The following RALGPS2 variants were observed in gnomAD, a reference collection of about 807,000 sequenced individuals.
The protein encoded by RALGPS2 is ras-specific guanine nucleotide-releasing factor RalGPS2.
In RALGPS2, 43 loss-of-function variants were observed where a neutral mutation model predicts 86.8. The ratio of observed to expected loss-of-function variants is 0.50; its 90% CI spans 0.39 to 0.64. The LOEUF (loss-of-function observed/expected upper bound fraction) is 0.64. Among genes scored for constraint, RALGPS2 ranks in the 30% least tolerant of loss-of-function variants. The pLI, the probability that RALGPS2 is intolerant of heterozygous loss-of-function variation, is 0.00. For synonymous variants in RALGPS2, 243 were observed against 231.3 expected, an observed-to-expected ratio of 1.05 and a Z score of -0.46; for missense variants, 536 against 694.6, an observed-to-expected ratio of 0.77 and a Z score of 2.57.
chr1:178,890,569 A>G (rs1486993059), intron 14 of RALGPS2, among the ~76,000 whole-genome samples: 1 of 151,992 alleles, frequency 6.6e-6, no homozygotes, highest in African/African-American at 2.4e-5. Context: ...ACTCCTTATC[A>G]GTCACAATTT....
At chr1:178,832,020 T>TA (rs1232676639) in intron 7 of RALGPS2, among the ~76,000 whole-genome samples, 1 of 152,158 alleles carries the variant, frequency 6.6e-6, no homozygotes, top group East Asian at 1.9e-4. Context: ...ATGATTGACT[T>TA]AGGGGAAAAT....
intron 1 of RALGPS2, among the ~76,000 whole-genome samples, chr1:178,761,707 C>A (rs999040034): frequency 3.3e-5 from 5 of 151,746 alleles, no homozygotes; most frequent in African/African-American, 1.2e-4. Flanking sequence ...ATTACAGGCA[C>A]GCACCATCAC....
chr1:178,778,871 T>C (rs1041654635), intron 2 of RALGPS2, among the ~76,000 whole-genome samples: 1 of 152,250 alleles, frequency 6.6e-6, no homozygotes, highest in African/African-American at 2.4e-5. Flanking sequence ...TTAACTTTTA[T>C]TTTAGTGATT....
chr1:178,751,449 C>G (rs896674206), intron 1 of RALGPS2, among the ~76,000 whole-genome samples: 2 of 152,122 alleles, frequency 1.3e-5, no homozygotes, highest in Admixed American at 1.3e-4. Context: ...AGGAAGTTTT[C>G]TTGGAAAGCT....
chr1:178,754,377 AT>A (rs1651846683), intron 1 of RALGPS2, among the ~76,000 whole-genome samples: 1 of 152,150 alleles, frequency 6.6e-6, no homozygotes, highest in African/African-American at 2.4e-5. Context: ...AACAGTTAAT[AT>A]GTAATTCCTG....
intron 17 of RALGPS2, among the ~76,000 whole-genome samples, chr1:178,898,103 A>G (rs1240870642): frequency 2.0e-5 from 3 of 152,052 alleles, no homozygotes; most frequent in South Asian, 2.1e-4. Flanking sequence ...TCTCTGGTTC[A>G]GTGATTCTTC....
chr1:178,867,390 G>A (rs1658483515), intron 8 of RALGPS2, among the ~76,000 whole-genome samples: 1 of 152,056 alleles, frequency 6.6e-6, no homozygotes, highest in Non-Finnish European at 1.5e-5. Context: ...CAGAGTTCAT[G>A]TTTTCAATCC....
chr1:178,822,669 A>G (rs1481942640), intron 7 of RALGPS2, among the ~76,000 whole-genome samples: 3 of 152,120 alleles, frequency 2.0e-5, no homozygotes, highest in Non-Finnish European at 4.4e-5. Context: ...TCTATTTTAT[A>G]GAAAAACCTT....
At chr1:178,766,720 G>A (rs1652526933) in intron 1 of RALGPS2, among the ~76,000 whole-genome samples, 1 of 152,136 alleles carries the variant, frequency 6.6e-6, no homozygotes. Context: ...ATGACTGTGT[G>A]TCTTGGGGTT....
intron 1 of RALGPS2, among the ~76,000 whole-genome samples, chr1:178,762,764 A>G (rs1210350097): frequency 1.3e-5 from 2 of 152,100 alleles, no homozygotes; most frequent in African/African-American, 2.4e-5. Flanking sequence ...TTTCAGTTGC[A>G]TAGTTTGAAA....
At chr1:178,795,773 A>G (rs1285444238) in intron 4 of RALGPS2, among the ~76,000 whole-genome samples, 1 of 152,224 alleles carries the variant, frequency 6.6e-6, no homozygotes. Flanking sequence ...CAGTATATAG[A>G]AAAAGCTTCT....
intron 1 of RALGPS2, among the ~76,000 whole-genome samples, chr1:178,754,728 T>C (rs1478070904): frequency 6.6e-6 from 1 of 152,236 alleles, no homozygotes; most frequent in Non-Finnish European, 1.5e-5. Context: ...TTCAGTCAAG[T>C]TGACATATAA....
intron 1 of RALGPS2, among the ~76,000 whole-genome samples, chr1:178,757,304 G>C (rs1160274838): frequency 6.6e-6 from 1 of 152,006 alleles, no homozygotes; most frequent in Non-Finnish European, 1.5e-5. Flanking sequence ...TCTTTCTCTT[G>C]TGCAATTGTT....
chr1:178,729,105 C>T (rs1451406264), intron 1 of RALGPS2, among the ~76,000 whole-genome samples: 1 of 152,148 alleles, frequency 6.6e-6, no homozygotes, highest in South Asian at 2.1e-4. Context: ...TTGAATCTCT[C>T]ATCTTGAATT....
intron 8 of RALGPS2, chr1:178,865,444 G>A: frequency 6.2e-7 from 1 of 1,613,952 alleles, no homozygotes; most frequent in South Asian, 1.1e-5. Context: ...CATTCACAAT[G>A]TTTCCATCTA....
intron 8 of RALGPS2, among the ~76,000 whole-genome samples, chr1:178,846,368 GTTGTTATATATTGTAT>G (rs1656865248): frequency 6.6e-6 from 1 of 151,940 alleles, no homozygotes; most frequent in Admixed American, 6.6e-5. Flanking sequence ...TTAATTATAT[GTTGTTATATATTGTAT>G]ACTAAAACAG....
intron 1 of RALGPS2, among the ~76,000 whole-genome samples, chr1:178,765,344 G>A (rs1652449401): frequency 1.3e-5 from 2 of 152,074 alleles, no homozygotes; most frequent in Admixed American, 1.3e-4. Flanking sequence ...TGGGTGTCCA[G>A]GGGAGACTTC....
chr1:178,792,454 A>AT (rs1653999705), intron 4 of RALGPS2, among the ~76,000 whole-genome samples: 1 of 152,160 alleles, frequency 6.6e-6, no homozygotes, highest in South Asian at 2.1e-4. Context: ...ACTCTGAAGC[A>AT]TATTTATTGA....
intron 17 of RALGPS2, among the ~76,000 whole-genome samples, chr1:178,901,441 C>T (rs1342934566): frequency 6.6e-6 from 1 of 152,052 alleles, no homozygotes; most frequent in Non-Finnish European, 1.5e-5. Context: ...CACATACAGT[C>T]TTAAGCACTA....
Sources: allele counts gnomAD v4.1 joint callset (sites outside exome capture counted in the v4.1 genomes callset), GRCh38; gene constraint gnomAD v4.1.1; transcripts MANE v1.5; gene names NCBI Gene and HGNC (gene_info 2026-07-23, HGNC 2026-07-21).